The following PTK2B variants were observed in gnomAD, a reference collection of about 807,000 sequenced individuals.
PTK2B encodes protein-tyrosine kinase 2-beta.
A neutral mutation model predicts 142.9 loss-of-function variants in PTK2B; 71 were observed. The observed-to-expected ratio is 0.50, with a 90% CI of 0.41 to 0.61. The LOEUF is 0.61. PTK2B is among the 20% of genes least tolerant of loss of function. The pLI is 0.00. For missense variants in PTK2B, 1,105 were observed against 1,320.4 expected (o/e 0.84, Z 2.53); for synonymous variants, 519 against 503.4 (o/e 1.03, Z -0.42).
chr8:27,397,765 T>A lies in PTK2B; in HGVS notation c.181T>A (p.Cys61Ser), dbSNP rs141851888. 1.1e-5 allele frequency: 18 copies of A among 1,614,118 alleles called. No homozygotes were observed. The highest frequency in any genetic ancestry group is 1.5e-5 in the Non-Finnish European group (18 of 1,180,034). The change falls in exon 2 of 31, where the codon TGC (cysteine) becomes AGC (serine). Residue 61 changes from cysteine to serine, a missense_variant. Physicochemically the swap from Cys to Ser is moderately radical, Grantham distance 112 (BLOSUM62 -1). Transcript: ENST00000346049. ...TGGGAAAAACTTCAAACTGGTCAAA[T>A]GCACTGTCCAGACGGAGATCCGGGT... is the stretch of plus-strand genomic sequence containing the variant. Reference protein sequence around the residue: ...NPGKNFKLVKCTVQTEIREII... With the variant: ...NPGKNFKLVKSTVQTEIREII...
At chr8:27,377,999 C>T (rs1419437459) in intron 1 of PTK2B, among the ~76,000 whole-genome samples, 2 of 152,214 alleles carry the variant, frequency 1.3e-5, no homozygotes, top group Non-Finnish European at 2.9e-5. Flanking sequence ...TTGGTTCCCT[C>T]ACTTGTAAAA....
intron 5 of PTK2B, among the ~76,000 whole-genome samples, chr8:27,428,062 G>T (rs888276634): frequency 3.3e-5 from 5 of 152,102 alleles, no homozygotes; most frequent in Non-Finnish European, 7.4e-5. Flanking sequence ...TTGTTTTCCT[G>T]CAACTAGACA....
chr8:27,332,175 G>A (rs1803793427), intron 1 of PTK2B, among the ~76,000 whole-genome samples: 1 of 152,208 alleles, frequency 6.6e-6, no homozygotes, highest in South Asian at 2.1e-4. Flanking sequence ...CGGGCAAGAG[G>A]AAAGAGAGTC....
chr8:27,314,001 G>T (rs1803039632), intron 3 of PTK2B, among the ~76,000 whole-genome samples: 1 of 152,154 alleles, frequency 6.6e-6, no homozygotes, highest in African/African-American at 2.4e-5. Context: ...TGCTTGAGGG[G>T]ATTGGGGAGG....
intron 27 of PTK2B, chr8:27,451,909 G>T (rs1377132944): frequency 2.5e-6 from 1 of 396,046 alleles, no homozygotes; most frequent in Non-Finnish European, 3.6e-6. Flanking sequence ...ACAGAGGAGA[G>T]AAAGTGAGAG....
At chr8:27,331,572 T>C (rs1803751804) in intron 1 of PTK2B, among the ~76,000 whole-genome samples, 1 of 152,126 alleles carries the variant, frequency 6.6e-6, no homozygotes, top group African/African-American at 2.4e-5. Flanking sequence ...CTACAACCTC[T>C]ACCTCCTGGG....
chr8:27,361,468 C>T (rs1049612340), intron 1 of PTK2B, among the ~76,000 whole-genome samples: 1 of 152,196 alleles, frequency 6.6e-6, no homozygotes, highest in Non-Finnish European at 1.5e-5. Context: ...AAGCGATGCT[C>T]CCACTTTAGC....
At chr8:27,319,516 C>T (rs919634786) in intron 3 of PTK2B, among the ~76,000 whole-genome samples, 25 of 151,632 alleles carry the variant, frequency 1.6e-4, no homozygotes, top group Admixed American at 3.9e-4. Context: ...CGGTGGCGGG[C>T]GCCTGTAGTC....
chr8:27,320,980 C>CTTTTTTTTTGTTTT (rs1803199857), upstream of PTK2B, among the ~76,000 whole-genome samples: 1 of 39,398 alleles, frequency 2.5e-5, no homozygotes, highest in Non-Finnish European at 4.5e-5. Context: ...ATACAAAAGG[C>CTTTTTTTTTGTTTT]TTTTTTTTTT....
intron 21 of PTK2B, among the ~76,000 whole-genome samples, chr8:27,441,083 AT>A (rs1261921694): frequency 6.6e-6 from 1 of 151,900 alleles, no homozygotes; most frequent in Non-Finnish European, 1.5e-5. Context: ...GTCAGTAAGC[AT>A]TTTCTATAAA....
rs907421201 is a variant in PTK2B, at chr8:27,434,567, G to A, written c.1192+8G>A. On this transcript the variant is annotated splice_region_variant and intron_variant, in intron 13 of 30. Transcript: ENST00000346049. ...CAGAGAGCTGCAGCATAGGTGAGCT[G>A]CCCGCTGCATCCTCCACCTGCTCCA... The A allele has an allele frequency of 1.3e-6, 2 of 1,598,792 alleles. No homozygotes were observed. The highest frequency in any genetic ancestry group is 1.7e-6 in the Non-Finnish European group (2 of 1,172,622).
At chr8:27,407,042 G>A (rs943700894) in intron 2 of PTK2B, among the ~76,000 whole-genome samples, 3 of 152,100 alleles carry the variant, frequency 2.0e-5, no homozygotes, top group East Asian at 1.9e-4. Context: ...CATCAAGAAC[G>A]CTTCATACGG....
At chr8:27,329,833 C>G (rs949997784) in intron 1 of PTK2B, among the ~76,000 whole-genome samples, 1 of 151,990 alleles carries the variant, frequency 6.6e-6, no homozygotes, top group African/African-American at 2.4e-5. Context: ...CCCTGAGTGA[C>G]GTTAGGTAGG....
rs75554791 is a variant in PTK2B at position 27,399,569 on chromosome 8, A to G, written c.204+1781A>G. 3.2e-3 allele frequency among the ~76,000 whole-genome samples: 484 copies of G among 152,296 alleles called. 10 individuals carry two copies. The East Asian group carries it at 0.036, about 11-fold the overall frequency. ...GGCAAGATATTCCTGGAGTTGTATG[A>G]TATACCCTGCTGGGTGTTTAAGGGA... On this transcript the variant is annotated intron_variant, in intron 2 of 30. Coordinates refer to ENST00000346049, the MANE Select transcript of PTK2B (RefSeq NM_173176.3).
chr8:27,318,358 A>G (rs1803136467), intron 3 of PTK2B, among the ~76,000 whole-genome samples: 1 of 152,206 alleles, frequency 6.6e-6, no homozygotes. Flanking sequence ...CAGTCACTCA[A>G]TGCTTCAGAG....
At chr8:27,408,347 A>G (rs1808851823) in intron 2 of PTK2B, among the ~76,000 whole-genome samples, 1 of 152,262 alleles carries the variant, frequency 6.6e-6, no homozygotes, top group African/African-American at 2.4e-5. Context: ...CCCAGCAGGA[A>G]GGAACACTGC....
At chr8:27,454,701 A>G in intron 30 of PTK2B, 90 bp downstream of exon 30, 9 of 1,336,616 alleles carry the variant, frequency 6.7e-6, no homozygotes, top group Non-Finnish European at 8.4e-6. Flanking sequence ...TGCCTGGGCA[A>G]CCTCATGTCT....
intron 2 of PTK2B, among the ~76,000 whole-genome samples, chr8:27,399,517 A>AG (rs1808252103): frequency 6.6e-6 from 1 of 152,256 alleles, no homozygotes; most frequent in African/African-American, 2.4e-5. Flanking sequence ...GACAGGCACT[A>AG]GGGAACAACA....
chr8:27,350,594 G>A (rs1191524625), intron 1 of PTK2B, among the ~76,000 whole-genome samples: 1 of 151,984 alleles, frequency 6.6e-6, no homozygotes, highest in African/African-American at 2.4e-5. Context: ...TAATAAGTGG[G>A]GGAACTCCTG....
Sources: allele counts gnomAD v4.1 joint callset (sites outside exome capture counted in the v4.1 genomes callset), GRCh38; gene constraint gnomAD v4.1.1; transcripts MANE v1.5; gene names NCBI Gene and HGNC (gene_info 2026-07-23, HGNC 2026-07-21).